CSMD1: variants seen among roughly 807,000 people sequenced by gnomAD.
The protein encoded by CSMD1 is CUB and sushi domain-containing protein 1.
Under a neutral mutation model 417.5 loss-of-function variants are expected in CSMD1, and 213 were observed. The observed-to-expected ratio is 0.51, with a 90% confidence interval of 0.46 to 0.57. CSMD1 has a LOEUF of 0.57. Ranked by LOEUF, CSMD1 falls within the 20% of genes least tolerant of loss-of-function variation. The probability of loss-of-function intolerance (pLI) is 0.00; values close to 1 mark genes in which losing one functional copy is unlikely to be tolerated. For missense variants in CSMD1, 6,923 were observed against 4,529.7 expected, an observed-to-expected ratio of 1.53 and a Z score of -15.17; for synonymous variants, 2,862 against 1,736.8, an observed-to-expected ratio of 1.65 and a Z score of -16.11.
chr8:3,548,745 G>T (rs1473408195), intron 10 of CSMD1, among the ~76,000 whole-genome samples: 1 of 150,490 alleles, frequency 6.6e-6, no homozygotes, highest in Non-Finnish European at 1.5e-5. Context: ...AATTTGGGTT[G>T]TTTCTAAAGA....
chr8:4,559,402 A>G (rs1798230732), intron 2 of CSMD1, among the ~76,000 whole-genome samples: 1 of 152,334 alleles, frequency 6.6e-6, no homozygotes, highest in Non-Finnish European at 1.5e-5. Context: ...ATTTCACCAA[A>G]TACACTGAAC....
chr8:4,986,816 C>A (rs541357853), intron 1 of CSMD1, among the ~76,000 whole-genome samples: 23 of 152,066 alleles, frequency 1.5e-4, no homozygotes, highest in Non-Finnish European at 2.9e-4. Flanking sequence ...TGCACAATTT[C>A]ATAGTATAGT....
intron 3 of CSMD1, among the ~76,000 whole-genome samples, chr8:4,271,313 T>C (rs748329324): frequency 5.9e-5 from 9 of 151,482 alleles, no homozygotes; most frequent in Admixed American, 1.3e-4. Flanking sequence ...CCCACAGAGG[T>C]TGGTGAAATC....
chr8:4,231,884 A>T (rs1026475203), intron 3 of CSMD1, among the ~76,000 whole-genome samples: 1 of 152,158 alleles, frequency 6.6e-6, no homozygotes, highest in Non-Finnish European at 1.5e-5. Flanking sequence ...AACTCCTAAT[A>T]CTTGTGTTTT....
At chr8:4,319,932 A>G (rs1040728924) in intron 3 of CSMD1, among the ~76,000 whole-genome samples, 1 of 152,204 alleles carries the variant, frequency 6.6e-6, no homozygotes, top group African/African-American at 2.4e-5. Flanking sequence ...AGTCATCTTC[A>G]GAGCTTGCAC....
intron 3 of CSMD1, among the ~76,000 whole-genome samples, chr8:4,211,052 C>T (rs1409203738): frequency 6.6e-6 from 1 of 152,126 alleles, no homozygotes; most frequent in South Asian, 2.1e-4. Flanking sequence ...AACACATTTC[C>T]TTCCTTAAGA....
At chr8:3,390,651 C>T (rs1811295240) in intron 17 of CSMD1, among the ~76,000 whole-genome samples, 1 of 150,388 alleles carries the variant, frequency 6.6e-6, no homozygotes, top group Non-Finnish European at 1.5e-5. Context: ...TAGTTACAAA[C>T]ATTACTTTTT....
At chr8:3,459,996 G>C (rs1156599609) in intron 12 of CSMD1, among the ~76,000 whole-genome samples, 1 of 152,184 alleles carries the variant, frequency 6.6e-6, no homozygotes, top group Non-Finnish European at 1.5e-5. Context: ...ACATCTCTAA[G>C]GATGCAGCTA....
intron 2 of CSMD1, among the ~76,000 whole-genome samples, chr8:4,598,922 A>C (rs1800424990): frequency 6.6e-6 from 1 of 152,216 alleles, no homozygotes; most frequent in South Asian, 2.1e-4. Context: ...ATCTTCAAAA[A>C]AACAATAATT....
chr8:4,339,364 G>C (rs1241951621), intron 3 of CSMD1, among the ~76,000 whole-genome samples: 1 of 152,082 alleles, frequency 6.6e-6, no homozygotes, highest in African/African-American at 2.4e-5. Flanking sequence ...GTCAAATAAT[G>C]AATCTATTTT....
At chr8:4,430,427 C>T (rs530729450) in intron 2 of CSMD1, among the ~76,000 whole-genome samples, 1 of 152,128 alleles carries the variant, frequency 6.6e-6, no homozygotes, top group African/African-American at 2.4e-5. Flanking sequence ...TCTACCTTCT[C>T]CCGGGACCCT....
chr8:3,202,996 C>T (rs1351610434), intron 31 of CSMD1, among the ~76,000 whole-genome samples: 2 of 152,086 alleles, frequency 1.3e-5, no homozygotes, highest in Non-Finnish European at 2.9e-5. Context: ...TCCTCACCCA[C>T]CCACCACCTC....
chr8:3,923,080 T>C lies in CSMD1; in HGVS notation c.818+74823A>G, dbSNP rs1045295338. On this transcript the variant is annotated intron_variant, in intron 5 of 69. Transcript: ENST00000635120. Reference sequence around the variant, plus strand: ...ACCCTTTTGTGTTCCTGGAGCCCAGTTGCGAAGGGCCCTTGTGACTGGGAC... The same window carrying C: ...ACCCTTTTGTGTTCCTGGAGCCCAGCTGCGAAGGGCCCTTGTGACTGGGAC... Among the ~76,000 whole-genome samples the C allele has an allele frequency of 5.9e-5, 9 of 152,250 alleles. No homozygotes were observed. The South Asian group carries it at 1.5e-3, about 25-fold the overall frequency.
At chr8:4,209,944 C>T (rs931250012) in intron 3 of CSMD1, among the ~76,000 whole-genome samples, 6 of 152,196 alleles carry the variant, frequency 3.9e-5, no homozygotes, top group African/African-American at 1.2e-4. Flanking sequence ...GTTGCTATGA[C>T]AATGGTAAAC....
chr8:3,003,511 C>A (rs1807595130), intron 52 of CSMD1, among the ~76,000 whole-genome samples: 1 of 152,218 alleles, frequency 6.6e-6, no homozygotes, highest in African/African-American at 2.4e-5. Context: ...AACCTCACCA[C>A]TGGGCAGTCA....
In CSMD1 at chr8:3,968,531, AT is replaced by A. The variant is rs34024441; in HGVS notation, c.818+29371del. Among the ~76,000 whole-genome samples, 22 of 151,960 alleles carry A rather than the reference AT, an allele frequency of 1.4e-4. No homozygotes were observed. In the East Asian group the frequency reaches 3.9e-3, roughly 27 times the overall value. ...AATAAAGCAACATACTGCAAATGCC[AT>A]TTTTTTTCAGATTTTCAGAAGGTTT... is the stretch of plus-strand genomic sequence containing the variant. On this transcript the variant is annotated intron_variant, in intron 5 of 69. Coordinates refer to ENST00000635120, the MANE Select transcript of CSMD1 (RefSeq NM_033225.6).
At chr8:3,701,122 G>C (rs2469378) in intron 7 of CSMD1, among the ~76,000 whole-genome samples, 144,764 of 152,080 alleles carry the variant, frequency 0.95, 68,952 homozygotes, top group East Asian at 0.99. Flanking sequence ...TCTTCTGTGA[G>C]AGGTAAGAGG....
chr8:3,511,400 G>A (rs10101471), intron 10 of CSMD1, among the ~76,000 whole-genome samples: 1 of 151,406 alleles, frequency 6.6e-6, no homozygotes, highest in African/African-American at 2.4e-5. Flanking sequence ...TCCTTAACTG[G>A]CATGTTATAG....
chr8:4,363,270 A>T (rs1411853017), intron 3 of CSMD1, among the ~76,000 whole-genome samples: 1 of 152,172 alleles, frequency 6.6e-6, no homozygotes, highest in Non-Finnish European at 1.5e-5. Flanking sequence ...CACCCCTTAA[A>T]GGAGCCTTTT....
Sources: gnomAD v4.1 joint callset for allele counts (sites outside exome capture counted in the v4.1 genomes callset) on GRCh38, gnomAD v4.1.1 for gene constraint, MANE v1.5 for transcripts, NCBI Gene and HGNC (gene_info 2026-07-23, HGNC 2026-07-21) for gene names.